The following TCF7 variants were observed in gnomAD, a reference collection of about 807,000 sequenced individuals.
TCF7 encodes the protein T-cell-factor-7.
Under a neutral mutation model 46.8 loss-of-function variants are expected in TCF7, and 19 were observed. That is an observed-to-expected ratio of 0.41 (90% CI 0.28 to 0.60). The LOEUF is 0.60. Among genes scored for constraint, TCF7 ranks in the 20% least tolerant of loss-of-function variants. The pLI is 0.35. For synonymous variants in TCF7, 245 were observed against 213.4 expected, an observed-to-expected ratio of 1.15 and a Z score of -1.29; for missense variants, 547 against 504.6, an observed-to-expected ratio of 1.08 and a Z score of -0.81.
upstream of TCF7, among the ~76,000 whole-genome samples, chr5:134,109,805 A>G (rs1197565131): frequency 6.7e-6 from 1 of 149,490 alleles, no homozygotes; most frequent in Non-Finnish European, 1.5e-5. Flanking sequence ...ACTTAGAGGC[A>G]TCTGCAGCTT....
At chr5:134,116,198 T>G in intron 3 of TCF7, 165 bp downstream of exon 3, 1 of 1,398,700 alleles carries the variant, frequency 7.1e-7, no homozygotes, top group African/African-American at 1.5e-5. Flanking sequence ...AGGAGAACTT[T>G]GCTGAAGGAA....
intron 3 of TCF7, chr5:134,123,624 A>T (rs1224346456): frequency 1.1e-5 from 5 of 450,832 alleles, no homozygotes; most frequent in African/African-American, 2.0e-5. Context: ...GGGCAGACAG[A>T]GGCCCAGGGT....
Position 134,115,051 on chromosome 5 carries a change from G to A in TCF7, c.145G>A (p.Ala49Thr). Reference protein sequence around the residue: ...DSAAGPERDLAELKSSLVNES... With the variant: ...DSAAGPERDLTELKSSLVNES... The stretch of plus-strand genomic sequence containing the variant: ...CGCCGCCGGTCCCGAGCGCGACCTG[G>A]CCGAGCTCAAGTCGTCGCTCGTGAA... Residue 49 changes from alanine to threonine, a missense_variant, in exon 1 of 10, where the codon GCC becomes ACC. Coordinates refer to ENST00000342854, the MANE Select transcript of TCF7 (RefSeq NM_003202.5). 1 of 1,224,312 alleles carries A rather than the reference G, an allele frequency of 8.2e-7. No homozygotes were observed. The highest frequency in any genetic ancestry group is 1.0e-6 in the Non-Finnish European group (1 of 957,374). The allele number at this position is 1,224,312 out of a possible 1,614,324, so 75.8% of individuals were successfully genotyped here.
In TCF7 at chr5:134,123,708, C is replaced by A. The variant is rs1272152231; in HGVS notation, c.441+7675C>A. 3 of 456,274 alleles carry A rather than the reference C, an allele frequency of 6.6e-6. No individual in the cohort carries two copies. The Admixed American group carries it at 7.0e-5, about 11-fold the overall frequency. The allele number at this position is 456,274 out of a possible 1,614,324, so 28.3% of individuals were successfully genotyped here. A position where few individuals can be genotyped will look rare whatever the true frequency, so the allele number is the denominator to read the frequency against. On this transcript the variant is annotated intron_variant, in intron 3 of 9. Coordinates refer to ENST00000342854, the MANE Select transcript of TCF7 (RefSeq NM_003202.5). Reference sequence around the variant, plus strand: ...CCTTGGTGCTGGGGCAGCGCTGGTTCCAGAGCCTGGGAGAAGCTGATGGGC... The same window carrying A: ...CCTTGGTGCTGGGGCAGCGCTGGTTACAGAGCCTGGGAGAAGCTGATGGGC...
chr5:134,137,501 G>C (rs1271620700), intron 3 of TCF7, among the ~76,000 whole-genome samples: 1 of 152,116 alleles, frequency 6.6e-6, no homozygotes, highest in Non-Finnish European at 1.5e-5. Context: ...AGGAAGTACG[G>C]GGGCTGGGCA....
At chr5:134,140,805 T>C in intron 5 of TCF7, 1 of 455,442 alleles carries the variant, frequency 2.2e-6, no homozygotes, top group Non-Finnish European at 4.4e-6. Context: ...GGCCCAGCCC[T>C]CCTCTCTACC....
At chr5:134,139,135 C>A in intron 5 of TCF7, 97 bp downstream of exon 5, 2 of 1,511,288 alleles carry the variant, frequency 1.3e-6, no homozygotes, top group Non-Finnish European at 1.8e-6. Context: ...TGGCTGGCCA[C>A]CCTGCTGCCA....
At chr5:134,129,841 A>C (rs1029393748) in intron 3 of TCF7, among the ~76,000 whole-genome samples, 5 of 152,156 alleles carry the variant, frequency 3.3e-5, no homozygotes, top group African/African-American at 7.2e-5. Flanking sequence ...CGGTGGGTGG[A>C]CTGGCCACAC....
intron 3 of TCF7, among the ~76,000 whole-genome samples, chr5:134,121,304 C>T (rs1300388169): frequency 6.6e-6 from 1 of 151,652 alleles, no homozygotes; most frequent in East Asian, 1.9e-4. Context: ...AAAAGATTGG[C>T]TGGGTGCGGT....
At position 134,142,738 on chromosome 5, in the gene TCF7, C is replaced by T. The variant is rs750238920; in HGVS notation, c.773C>T (p.Ser258Phe). ...CCCCTCAGGAAGACACAAGCAGAGT[C>T]CAAGGCAGAGAAGGAGGCCAAGAAG... ...FDRNLKTQAE[S>F]KAEKEAKKPT... Residue 258 changes from serine to phenylalanine, a missense_variant, in exon 7 of 10, where the codon TCC becomes TTC. Physicochemically the swap from Ser to Phe is radical, Grantham distance 155. Coordinates refer to ENST00000342854, the MANE Select transcript of TCF7 (RefSeq NM_003202.5). 5.0e-6 allele frequency: 8 copies of T among 1,613,960 alleles called. No individual in the cohort carries two copies. The highest frequency in any genetic ancestry group is 6.8e-6 in the Non-Finnish European group (8 of 1,179,980).
At chr5:134,114,009 C>T (rs974066471), upstream of TCF7, among the ~76,000 whole-genome samples, 3 of 152,150 alleles carry the variant, frequency 2.0e-5, no homozygotes, top group Admixed American at 2.0e-4. Flanking sequence ...GGCTGAGGTC[C>T]GGTGCTCTTG....
intron 2 of TCF7, 50 bp downstream of exon 2, chr5:134,115,437 C>T: frequency 6.4e-7 from 1 of 1,554,846 alleles, no homozygotes; most frequent in Non-Finnish European, 8.7e-7. Context: ...AGGCCCTGGC[C>T]TCGGTGGGAC....
chr5:134,120,531 A>G (rs571098483), intron 3 of TCF7, among the ~76,000 whole-genome samples: 1 of 152,062 alleles, frequency 6.6e-6, no homozygotes, highest in South Asian at 2.1e-4. Context: ...TCCCTGTCCT[A>G]GGGGGTCTTA....
intron 3 of TCF7, among the ~76,000 whole-genome samples, chr5:134,117,161 T>A (rs1340368174): frequency 6.6e-6 from 1 of 152,236 alleles, no homozygotes; most frequent in Non-Finnish European, 1.5e-5. Flanking sequence ...CTTTGGGCCC[T>A]TATCTGTAAA....
At chr5:134,140,979 T>C (rs975754581) in intron 5 of TCF7, 16 of 328,258 alleles carry the variant, frequency 4.9e-5, no homozygotes, top group Non-Finnish European at 8.4e-5. Flanking sequence ...GTGCTTGCCC[T>C]GTGTTAGTCG....
At chr5:134,109,215 C>T in the TCF7 span, among the ~76,000 whole-genome samples, 2 of 152,200 alleles carry the variant, frequency 1.3e-5, no homozygotes, top group African/African-American at 4.8e-5. Flanking sequence ...TAGGGATAAG[C>T]AACAAAGCCC....
chr5:134,148,121 AT>A lies in TCF7; in HGVS notation c.*1820del, dbSNP rs1760925424. The A allele has an allele frequency of 1.3e-5, 2 of 152,646 alleles. No homozygotes were observed. Among genetic ancestry groups the A allele is most frequent in the African/African-American group, 2.4e-5 (1 of 41,452 alleles). 9.5% of individuals were successfully genotyped at this position (152,646 alleles called of 1,614,324 possible). ...CACTGCAAGAAGTCTTGAGAAAAAGATTATTGTAGTGTTCAAAATATTTTTG... is the reference window on the plus strand; with the variant it reads ...CACTGCAAGAAGTCTTGAGAAAAAGATATTGTAGTGTTCAAAATATTTTTG... On this transcript the variant is annotated 3_prime_UTR_variant, in exon 10 of 10. Transcript: ENST00000342854.
At chr5:134,146,186 A>C in intron 9 of TCF7, 38 bp from the exon 10 acceptor site, 1 of 1,614,016 alleles carries the variant, frequency 6.2e-7, no homozygotes, top group Non-Finnish European at 8.5e-7. Flanking sequence ...CTATGAATTC[A>C]CCCTCTGTTT....
At chr5:134,110,280 T>C (rs148200179), upstream of TCF7, among the ~76,000 whole-genome samples, 209 of 152,292 alleles carry the variant, frequency 1.4e-3, 1 homozygote, top group East Asian at 0.023. Flanking sequence ...CAATTCTTGG[T>C]TATTGTATGA....
Sources: gnomAD v4.1 joint callset for allele counts (sites outside exome capture counted in the v4.1 genomes callset) on GRCh38, gnomAD v4.1.1 for gene constraint, MANE v1.5 for transcripts, NCBI Gene and HGNC (gene_info 2026-07-23, HGNC 2026-07-21) for gene names.